DBT: variants seen among roughly 807,000 people sequenced by gnomAD.
The protein encoded by DBT is dihydrolipoamide branched chain transacylase E2.
Under a neutral mutation model 51.3 loss-of-function variants are expected in DBT, and 40 were observed. The observed-to-expected ratio is 0.78, with a 90% CI of 0.61 to 1.02. The LOEUF (loss-of-function observed/expected upper bound fraction) is 1.02. Among genes scored for constraint, DBT ranks in the 50% least tolerant of loss-of-function variants. The pLI is 0.00. For missense variants in DBT, 510 were observed against 580.2 expected, an observed-to-expected ratio of 0.88 and a Z score of 1.24; for synonymous variants, 181 against 190.4, an observed-to-expected ratio of 0.95 and a Z score of 0.41.
At chr1:100,201,287 CG>C (rs1661424421) in intron 10 of DBT, among the ~76,000 whole-genome samples, 2 of 151,170 alleles carry the variant, frequency 1.3e-5, no homozygotes, top group Admixed American at 1.3e-4. Flanking sequence ...ATCGATCAAG[CG>C]GAAGAAAGGA....
At position 100,214,826 on chromosome 1, in the gene DBT, G is replaced by C; in HGVS notation, c.930C>G (p.Phe310Leu). ...AATGAATGAATCTCACCTTTAAGAA[G>C]AAAGGCATAAAGGAGAGTTTAATTC... ...ARGIKLSFMP[F>L]FLKAASLGLL... The change falls in exon 7 of 11, where the codon TTC (phenylalanine) becomes TTG (leucine). Residue 310 changes from phenylalanine (F) to leucine (L), a missense_variant. Coordinates refer to ENST00000370132, the MANE Select transcript of DBT (RefSeq NM_001918.5). 8 of 1,613,876 alleles carry C rather than the reference G, an allele frequency of 5.0e-6. No individual in the cohort carries two copies. The South Asian group carries it at 6.6e-5, about 13-fold the overall frequency.
At chr1:100,227,403 CATACAGATAGCCCCA>C (rs140355478) in intron 4 of DBT, among the ~76,000 whole-genome samples, 120,263 of 151,772 alleles carry the variant, frequency 0.79, 48,965 homozygotes, top group East Asian at 0.95. Flanking sequence ...ATACAGGTAG[CATACAGATAGCCCCA>C]ATACAGATAG....
At chr1:100,233,655 GT>G in intron 3 of DBT, among the ~76,000 whole-genome samples, 1 of 152,178 alleles carries the variant, frequency 6.6e-6, no homozygotes, top group Non-Finnish European at 1.5e-5. Context: ...CTCACCAGCA[GT>G]TTTGCCACAA....
intron 5 of DBT, among the ~76,000 whole-genome samples, chr1:100,217,923 A>G (rs896534999): frequency 1.0e-5 from 1 of 97,378 alleles, no homozygotes. Flanking sequence ...GGCTCTTGCT[A>G]TGTTAGCTGT....
chr1:100,230,675 A>T, intron 4 of DBT, 58 bp downstream of exon 4: 1 of 1,139,810 alleles, frequency 8.8e-7, no homozygotes, highest in South Asian at 1.4e-5. Flanking sequence ...ATTGGGACCC[A>T]ATGACAAAAA....
At chr1:100,210,946 T>A in intron 7 of DBT, 175 bp from the exon 8 acceptor site, 1 of 1,264,568 alleles carries the variant, frequency 7.9e-7, no homozygotes, top group South Asian at 1.4e-5. Context: ...TCAGGCCATG[T>A]GGAACTAGGT....
chr1:100,236,543 T>G (rs1663879096), intron 2 of DBT, among the ~76,000 whole-genome samples: 1 of 152,204 alleles, frequency 6.6e-6, no homozygotes, highest in African/African-American at 2.4e-5. Context: ...ATGGAGGTAT[T>G]AGGTACCTCT....
chr1:100,242,307 T>C (rs1386823105), intron 1 of DBT, among the ~76,000 whole-genome samples: 1 of 152,152 alleles, frequency 6.6e-6, no homozygotes, highest in East Asian at 1.9e-4. Context: ...TTAATACATA[T>C]TTATAAACTA....
intron 2 of DBT, among the ~76,000 whole-genome samples, chr1:100,236,975 G>A (rs1386854568): frequency 6.6e-6 from 1 of 152,176 alleles, no homozygotes; most frequent in Non-Finnish European, 1.5e-5. Context: ...AGGACCCAGT[G>A]GTAAATTAAC....
intron 4 of DBT, among the ~76,000 whole-genome samples, chr1:100,222,139 A>G (rs967925920): frequency 6.6e-6 from 1 of 152,218 alleles, no homozygotes; most frequent in African/African-American, 2.4e-5. Context: ...ACAATAGGCT[A>G]TACAAAATGA....
intron 2 of DBT, among the ~76,000 whole-genome samples, chr1:100,238,086 G>C (rs1663987527): frequency 6.6e-6 from 1 of 152,006 alleles, no homozygotes; most frequent in Admixed American, 6.6e-5. Flanking sequence ...CAGGTTTCTA[G>C]CTTTCCTTCC....
At chr1:100,223,454 TTTTG>T (rs1639237069) in intron 4 of DBT, among the ~76,000 whole-genome samples, 2 of 152,112 alleles carry the variant, frequency 1.3e-5, no homozygotes, top group African/African-American at 4.8e-5. Context: ...CGTCTAACTT[TTTTG>T]TTTGTTTTGT....
chr1:100,210,604 A>G, intron 8 of DBT, 90 bp downstream of exon 8: 1 of 1,567,048 alleles, frequency 6.4e-7, no homozygotes. Flanking sequence ...AAAGATCACT[A>G]TTTGAGGTAC....
At chr1:100,233,867 TA>T (rs1426280586) in intron 3 of DBT, among the ~76,000 whole-genome samples, 1 of 152,130 alleles carries the variant, frequency 6.6e-6, no homozygotes, top group African/African-American at 2.4e-5. Context: ...CTGAGAAAGG[TA>T]AAAACACCTT....
chr1:100,207,896 G>C (rs796430000), intron 8 of DBT, among the ~76,000 whole-genome samples: 14 of 152,092 alleles, frequency 9.2e-5, no homozygotes, highest in African/African-American at 3.4e-4. Context: ...ACTTTGGGAG[G>C]CCGAGGCGGG....
In DBT at chr1:100,194,017, T is replaced by C. The variant is rs551817343; in HGVS notation, c.*2238A>G. 1 of 152,366 alleles carries C rather than the reference T, an allele frequency of 6.6e-6. No homozygotes were observed. Among genetic ancestry groups the C allele is most frequent in the Non-Finnish European group, 1.5e-5 (1 of 68,030 alleles). 9.4% of individuals were successfully genotyped at this position (152,366 alleles called of 1,614,324 possible). On this transcript the variant is annotated 3_prime_UTR_variant, in exon 11 of 11. Coordinates refer to ENST00000370132, the MANE Select transcript of DBT (RefSeq NM_001918.5). ...TAAAATAGTAGATATGCTATGATCA[T>C]GTTTTAACAAAAAAGAATAGCCATA...
At chr1:100,242,656 AT>A (rs1451092096) in intron 1 of DBT, among the ~76,000 whole-genome samples, 3 of 152,186 alleles carry the variant, frequency 2.0e-5, no homozygotes, top group African/African-American at 7.2e-5. Flanking sequence ...AAACATTTCC[AT>A]TTTGTTTGTC....
Position 100,191,379 on chromosome 1 carries a change from A to G in DBT, c.*4876T>C, listed in dbSNP as rs1660795411. On this transcript the variant is annotated 3_prime_UTR_variant, in exon 11 of 11. Transcript: ENST00000370132. ...TTGTAACAAACAGCTTCACAGTTTA[A>G]TAGTATCTTATGTATTTGCCTTCCA... 6.6e-6 allele frequency: 1 copy of G among 152,204 alleles called. No homozygotes were observed. The highest frequency in any genetic ancestry group is 2.1e-4 in the South Asian group (1 of 4,838). 9.4% of individuals were successfully genotyped at this position (152,204 alleles called of 1,614,324 possible).
chr1:100,206,794 A>AT (rs1661818322), intron 8 of DBT, among the ~76,000 whole-genome samples, 158 bp from the exon 9 acceptor site: 1 of 152,174 alleles, frequency 6.6e-6, no homozygotes, highest in Non-Finnish European at 1.5e-5. Context: ...TTTTTAAAAG[A>AT]TTTTTTGGGC....
Sources: allele counts gnomAD v4.1 joint callset (sites outside exome capture counted in the v4.1 genomes callset), GRCh38; gene constraint gnomAD v4.1.1; transcripts MANE v1.5; gene names NCBI Gene and HGNC (gene_info 2026-07-23, HGNC 2026-07-21).